SLIT2: variants seen among roughly 807,000 people sequenced by gnomAD.
SLIT2 encodes slit guidance ligand 2, also known as slit homolog 2 protein.
Under a neutral mutation model 185.7 loss-of-function variants are expected in SLIT2, and 41 were observed. The ratio of observed to expected loss-of-function variants is 0.22; its 90% confidence interval spans 0.17 to 0.29. The LOEUF (loss-of-function observed/expected upper bound fraction) is 0.29. Among genes scored for constraint, SLIT2 ranks in the 10% least tolerant of loss-of-function variants. The probability of loss-of-function intolerance (pLI) is 1.00; values close to 1 mark genes in which losing one functional copy is unlikely to be tolerated. For missense variants in SLIT2, 1,571 were observed against 1,909.0 expected (o/e 0.82, Z 3.30); for synonymous variants, 693 against 680.2 (o/e 1.02, Z -0.29).
In SLIT2 at chr4:20,355,855, G is replaced by A. The variant is rs1577490876; in HGVS notation, c.395+86974G>A. ...CTCAAAATTTTCCTTAAATAGCTATGGAAAGAGATAGCAGTTTACTACTAC... is the reference window on the plus strand; with the variant it reads ...CTCAAAATTTTCCTTAAATAGCTATAGAAAGAGATAGCAGTTTACTACTAC... On this transcript the variant is annotated intron_variant, in intron 4 of 36. Transcript: ENST00000504154. Among the ~76,000 whole-genome samples, 6 of 152,188 alleles carry A rather than the reference G, an allele frequency of 3.9e-5. No homozygotes were observed. The South Asian group carries it at 1.2e-3, about 32-fold the overall frequency.
intron 4 of SLIT2, among the ~76,000 whole-genome samples, chr4:20,352,230 A>G (rs1036336844): frequency 2.6e-5 from 4 of 152,196 alleles, no homozygotes; most frequent in African/African-American, 9.6e-5. Context: ...AACTCAATGC[A>G]TAACGCTATT....
At chr4:20,612,247 A>G (rs80194109) in intron 34 of SLIT2, among the ~76,000 whole-genome samples, 3 of 115,580 alleles carry the variant, frequency 2.6e-5, no homozygotes, top group South Asian at 6.9e-4. Context: ...TATCTCAAGA[A>G]AAAAAAAAAA....
In SLIT2 at chr4:20,617,501, G is replaced by A. The variant is rs1729761615; in HGVS notation, c.4199G>A (p.Gly1400Asp). ...TCCTACAGCTGTAAGTGCTTGGAGGGCCATGGAGGTGTCCTCTGTGATGAA... is the reference window on the plus strand; with the variant it reads ...TCCTACAGCTGTAAGTGCTTGGAGGACCATGGAGGTGTCCTCTGTGATGAA... ...AFSYSCKCLEGHGGVLCDEEE... is the reference protein window; with the variant it reads ...AFSYSCKCLEDHGGVLCDEEE... The change falls in exon 36 of 37, where the codon GGC becomes GAC. Residue 1400 changes from glycine to aspartate, a missense_variant. Physicochemically the swap from Gly to Asp is moderately conservative, Grantham distance 94. Around this residue, in one of 3 missense-constraint regions of SLIT2, gnomAD observed 223 missense variants for 245.2 expected, o/e 0.91. Transcript: ENST00000504154. 1 of 1,613,988 alleles carries A rather than the reference G, an allele frequency of 6.2e-7. No individual in the cohort carries two copies. Among genetic ancestry groups the A allele is most frequent in the Non-Finnish European group, 8.5e-7 (1 of 1,180,010 alleles).
intron 26 of SLIT2, among the ~76,000 whole-genome samples, chr4:20,564,850 A>T (rs1444168170): frequency 6.6e-6 from 1 of 151,900 alleles, no homozygotes; most frequent in Non-Finnish European, 1.5e-5. Context: ...AATTCCAGAT[A>T]TGAAAATAAT....
chr4:20,271,006 A>T (rs1437661136), intron 4 of SLIT2, among the ~76,000 whole-genome samples: 1 of 152,020 alleles, frequency 6.6e-6, no homozygotes, highest in Non-Finnish European at 1.5e-5. Flanking sequence ...TGCCATTGGA[A>T]GTCTTTAATA....
chr4:20,607,382 T>C lies in SLIT2; in HGVS notation c.3693-2631T>C, dbSNP rs1164794789. Among the ~76,000 whole-genome samples the C allele has an allele frequency of 2.0e-5, 3 of 152,208 alleles. No individual in the cohort carries two copies. The East Asian group carries it at 5.8e-4, about 29-fold the overall frequency. On this transcript the variant is annotated intron_variant, in intron 33 of 36. Coordinates refer to ENST00000504154, the MANE Select transcript of SLIT2 (RefSeq NM_004787.4). ...TATCTATAGATATCATCTAGGAGTATTGCTAAAAACAATTGATATATGTTA... is the reference window on the plus strand; with the variant it reads ...TATCTATAGATATCATCTAGGAGTACTGCTAAAAACAATTGATATATGTTA...
intron 16 of SLIT2, among the ~76,000 whole-genome samples, chr4:20,531,337 C>T (rs540699620): frequency 9.2e-5 from 14 of 152,138 alleles, no homozygotes; most frequent in Admixed American, 3.3e-4. Flanking sequence ...AGGAATAAGA[C>T]ATTACACAAA....
At chr4:20,451,565 C>T (rs1285438125) in intron 4 of SLIT2, among the ~76,000 whole-genome samples, 1 of 152,174 alleles carries the variant, frequency 6.6e-6, no homozygotes, top group Non-Finnish European at 1.5e-5. Flanking sequence ...GTTATTTCAT[C>T]AGTGAATATC....
At chr4:20,368,219 C>CAAAAAAAAAAAAAAAAAAAAAAAAAA (rs71653879) in intron 4 of SLIT2, among the ~76,000 whole-genome samples, 12 of 107,378 alleles carry the variant, frequency 1.1e-4, no homozygotes, top group South Asian at 3.2e-4. Context: ...CACAAAATAG[C>CAAAAAAAAAAAAAAAAAAAAAAAAAA]AAAAAAAAAA....
intron 9 of SLIT2, among the ~76,000 whole-genome samples, chr4:20,508,360 G>A (rs1185929887): frequency 6.6e-6 from 1 of 151,880 alleles, no homozygotes; most frequent in African/African-American, 2.4e-5. Context: ...AAATAACTAA[G>A]CATTGTTAAT....
intron 4 of SLIT2, among the ~76,000 whole-genome samples, chr4:20,300,056 A>G (rs1055989110): frequency 2.0e-5 from 3 of 152,134 alleles, no homozygotes; most frequent in Non-Finnish European, 2.9e-5. Context: ...AATGCTCATA[A>G]AAATTCTTTA....
chr4:20,391,444 A>T lies in SLIT2; in HGVS notation c.396-76308A>T, dbSNP rs141678206. On this transcript the variant is annotated intron_variant, in intron 4 of 36. Transcript: ENST00000504154. The stretch of plus-strand genomic sequence containing the variant: ...GTTTATTCAACTGTGGAAAGATCAT[A>T]TTTGGCATAGAAAGTACATTCTTTA... 2.6e-5 allele frequency among the ~76,000 whole-genome samples: 4 copies of T among 152,198 alleles called. No homozygotes were observed. In the East Asian group the frequency reaches 7.7e-4, roughly 29 times the overall value.
intron 4 of SLIT2, among the ~76,000 whole-genome samples, chr4:20,302,806 C>G (rs928015799): frequency 1.7e-4 from 26 of 152,236 alleles, no homozygotes; most frequent in African/African-American, 6.3e-4. Context: ...ATCATCCAAT[C>G]AAATCTATTA....
At chr4:20,405,475 T>A (rs919402107) in intron 4 of SLIT2, among the ~76,000 whole-genome samples, 3 of 152,026 alleles carry the variant, frequency 2.0e-5, no homozygotes, top group African/African-American at 7.2e-5. Flanking sequence ...CATTTTTTTC[T>A]TTTCATGATT....
intron 4 of SLIT2, among the ~76,000 whole-genome samples, chr4:20,302,053 G>A (rs10033634): frequency 9.4e-4 from 143 of 152,290 alleles, no homozygotes; most frequent in African/African-American, 3.3e-3. Context: ...TTTACAGAAA[G>A]AGTATGTATC....
intron 1 of SLIT2, chr4:20,255,169 C>T (rs1040002423): frequency 1.0e-5 from 4 of 397,560 alleles, no homozygotes; most frequent in African/African-American, 8.4e-5. Context: ...ATTCGTCCCG[C>T]GGCCTCTTTG....
At chr4:20,573,738 G>A (rs114561127) in intron 29 of SLIT2, among the ~76,000 whole-genome samples, 1 of 151,868 alleles carries the variant, frequency 6.6e-6, no homozygotes, top group African/African-American at 2.4e-5. Context: ...ATATTTGAAG[G>A]TGTATACATT....
chr4:20,357,909 ACAT>A (rs1283568037), intron 4 of SLIT2, among the ~76,000 whole-genome samples: 7 of 152,114 alleles, frequency 4.6e-5, no homozygotes, highest in South Asian at 4.1e-4. Context: ...TTTATTAATA[ACAT>A]CATATCCATT....
At chr4:20,285,942 C>G (rs1715224626) in intron 4 of SLIT2, among the ~76,000 whole-genome samples, 1 of 152,196 alleles carries the variant, frequency 6.6e-6, no homozygotes, top group Admixed American at 6.5e-5. Context: ...TTGTGTAGCT[C>G]TCATAAAATG....
Sources: gnomAD v4.1 joint callset for allele counts (sites outside exome capture counted in the v4.1 genomes callset) on GRCh38, gnomAD v4.1.1 for gene constraint, gnomAD v4.1.1 regional missense constraint, MANE v1.5 for transcripts, NCBI Gene and HGNC (gene_info 2026-07-23, HGNC 2026-07-21) for gene names.